Variants in KCNG3 observed in about 807,000 individuals in gnomAD.
The protein encoded by KCNG3 is potassium voltage-gated channel modifier subfamily G member 3, also known as voltage-gated potassium channel regulatory subunit KCNG3.
In KCNG3, 15 loss-of-function variants were observed where a neutral mutation model predicts 29.0. The ratio of observed to expected loss-of-function variants is 0.52; its 90% confidence interval spans 0.35 to 0.80. KCNG3 has a LOEUF of 0.80. Among genes scored for constraint, KCNG3 ranks in the 30% least tolerant of loss-of-function variants. KCNG3 has a pLI of 0.01. For synonymous variants in KCNG3, 322 were observed against 248.9 expected, an observed-to-expected ratio of 1.29 and a Z score of -2.76; for missense variants, 512 against 605.7, an observed-to-expected ratio of 0.85 and a Z score of 1.62.
chr2:42,401,870 C>T, the KCNG3 span, among the ~76,000 whole-genome samples: 2 of 151,942 alleles, frequency 1.3e-5, no homozygotes, highest in Non-Finnish European at 2.9e-5. Context: ...GGTGACACAG[C>T]GAGAATCCGT....
the KCNG3 span, among the ~76,000 whole-genome samples, chr2:42,435,495 A>G: frequency 6.6e-6 from 1 of 152,200 alleles, no homozygotes; most frequent in African/African-American, 2.4e-5. Flanking sequence ...AACCCTCAGA[A>G]TAAGAGAAAA....
At chr2:42,419,673 G>C in the KCNG3 span, among the ~76,000 whole-genome samples, 10 of 152,136 alleles carry the variant, frequency 6.6e-5, no homozygotes, top group African/African-American at 2.4e-4. Flanking sequence ...ACTCAATACA[G>C]CTTGAACTTT....
the KCNG3 span, among the ~76,000 whole-genome samples, chr2:42,410,154 T>C: frequency 6.6e-6 from 1 of 152,208 alleles, no homozygotes; most frequent in Admixed American, 6.5e-5. Context: ...TCTTTATTGT[T>C]GTTACCTAGT....
intron 1 of KCNG3, among the ~76,000 whole-genome samples, chr2:42,462,175 A>C (rs1673035818): frequency 6.6e-6 from 1 of 152,130 alleles, no homozygotes; most frequent in Admixed American, 6.6e-5. Context: ...CAATCACACA[A>C]CCTCTCCCCA....
chr2:42,411,804 A>G, the KCNG3 span, among the ~76,000 whole-genome samples: 1 of 152,172 alleles, frequency 6.6e-6, no homozygotes, highest in Non-Finnish European at 1.5e-5. Context: ...ATTTTTCATT[A>G]AACTGATTCC....
the KCNG3 span, among the ~76,000 whole-genome samples, chr2:42,392,825 C>T: frequency 6.6e-6 from 1 of 151,916 alleles, no homozygotes; most frequent in African/African-American, 2.4e-5. Context: ...GGATCCTTTC[C>T]TGAGGAAAGA....
In KCNG3 at chr2:42,461,619, G is replaced by A. The variant is rs556029776; in HGVS notation, c.666-17040C>T. Among the ~76,000 whole-genome samples the A allele has an allele frequency of 8.1e-4, 124 of 152,212 alleles. 1 individual carries two copies. Among genetic ancestry groups the A allele is most frequent in the South Asian group, 3.1e-3 (15 of 4,816 alleles). ...TCCCCGGCCCCACACTCTCCACTCCGGGTGGGCCCCCTTAATCTTCAGGTG... is the reference window on the plus strand; with the variant it reads ...TCCCCGGCCCCACACTCTCCACTCCAGGTGGGCCCCCTTAATCTTCAGGTG... On this transcript the variant is annotated intron_variant, in intron 1 of 1. Coordinates refer to ENST00000306078, the MANE Select transcript of KCNG3 (RefSeq NM_133329.6).
the KCNG3 span, among the ~76,000 whole-genome samples, chr2:42,391,444 T>C: frequency 1.3e-5 from 2 of 152,178 alleles, no homozygotes; most frequent in South Asian, 2.1e-4. Flanking sequence ...TTACAGCCAG[T>C]TTGGGGACCA....
the KCNG3 span, among the ~76,000 whole-genome samples, chr2:42,408,297 G>A: frequency 3.9e-5 from 6 of 152,186 alleles, no homozygotes; most frequent in African/African-American, 1.2e-4. Flanking sequence ...TGAAGGCTAG[G>A]GGCTGGGCTG....
the KCNG3 span, among the ~76,000 whole-genome samples, chr2:42,418,813 T>C: frequency 6.6e-6 from 1 of 151,886 alleles, no homozygotes; most frequent in Non-Finnish European, 1.5e-5. Flanking sequence ...AAATGAAGAG[T>C]AGTTATTAAA....
chr2:42,418,001 T>A, the KCNG3 span, among the ~76,000 whole-genome samples: 5 of 151,218 alleles, frequency 3.3e-5, no homozygotes, highest in Admixed American at 1.3e-4. Context: ...TAAAAATAAA[T>A]AAATAAATAA....
At position 42,492,892 on chromosome 2, in the gene KCNG3, G is replaced by C; in HGVS notation, c.610C>G (p.Arg204Gly). The C allele has an allele frequency of 6.4e-7, 1 of 1,555,840 alleles. No homozygotes were observed. Among genetic ancestry groups the C allele is most frequent in the Admixed American group, 2.0e-5 (1 of 49,942 alleles). Residue 204 changes from arginine (R) to glycine (G), a missense_variant, in exon 1 of 2, where the codon CGC (arginine) becomes GGC (glycine). Around this residue, in one of 5 missense-constraint regions of KCNG3, gnomAD observed 228 missense variants for 200.0 expected, o/e 1.14. Transcript: ENST00000306078. Reference protein sequence around the residue: ...PDWRNAAADNRSLDDRSRYSA... With the variant: ...PDWRNAAADNGSLDDRSRYSA... ...TACCTGCTCCGGTCATCCAGGCTGC[G>C]GTTGTCGGCGGCTGCGTTGCGCCAG...
the KCNG3 span, among the ~76,000 whole-genome samples, chr2:42,418,736 T>C: frequency 6.6e-6 from 1 of 152,172 alleles, no homozygotes; most frequent in Non-Finnish European, 1.5e-5. Flanking sequence ...ACAAATGTGA[T>C]TTTTAAAATT....
At chr2:42,415,145 C>G in the KCNG3 span, among the ~76,000 whole-genome samples, 2 of 152,056 alleles carry the variant, frequency 1.3e-5, 1 homozygote, top group Admixed American at 1.3e-4. Flanking sequence ...TTCTGTGGTG[C>G]TGTGTTCCAT....
At chr2:42,482,981 C>G (rs1054283246) in intron 1 of KCNG3, among the ~76,000 whole-genome samples, 2 of 151,882 alleles carry the variant, frequency 1.3e-5, no homozygotes, top group African/African-American at 4.8e-5. Context: ...ATTAGCCAGG[C>G]ACGGTGGTGT....
chr2:42,473,965 A>T (rs2888838), intron 1 of KCNG3, among the ~76,000 whole-genome samples: 66,027 of 150,658 alleles, frequency 0.44, 14,525 homozygotes, highest in Middle Eastern at 0.61. Context: ...CAGCCTGGCC[A>T]ACATGGTGAA....
At chr2:42,421,833 C>A in the KCNG3 span, among the ~76,000 whole-genome samples, 4 of 152,332 alleles carry the variant, frequency 2.6e-5, no homozygotes, top group South Asian at 8.3e-4. Flanking sequence ...CAGCCCCACA[C>A]AGTGGACAAA....
the KCNG3 span, among the ~76,000 whole-genome samples, chr2:42,425,814 CACAGCCAGGAG>C: frequency 6.6e-6 from 1 of 152,130 alleles, no homozygotes; most frequent in Admixed American, 6.5e-5. Flanking sequence ...GAGACATTGT[CACAGCCAGGAG>C]ACACCTTTGT....
chr2:42,462,259 T>G (rs1673038155), intron 1 of KCNG3, among the ~76,000 whole-genome samples: 1 of 152,176 alleles, frequency 6.6e-6, no homozygotes, highest in African/African-American at 2.4e-5. Context: ...AGAGAAGGAA[T>G]TCAGTCCTGA....
Sources: gnomAD v4.1 joint callset for allele counts (sites outside exome capture counted in the v4.1 genomes callset) on GRCh38, gnomAD v4.1.1 for gene constraint, gnomAD v4.1.1 regional missense constraint, MANE v1.5 for transcripts, NCBI Gene and HGNC (gene_info 2026-07-23, HGNC 2026-07-21) for gene names.